Variants in PPARGC1A observed in about 807,000 individuals in gnomAD.
The protein encoded by PPARGC1A is PPARG coactivator 1 alpha.
PPARGC1A carries 25 observed loss-of-function variants against 88.7 expected under a neutral mutation model. The observed-to-expected ratio is 0.28, with a 90% CI of 0.21 to 0.39. PPARGC1A has a LOEUF of 0.39. Among genes scored for constraint, PPARGC1A ranks in the 10% least tolerant of loss-of-function variants. The probability of loss-of-function intolerance (pLI) is 1.00; values close to 1 mark genes in which losing one functional copy is unlikely to be tolerated. For synonymous variants in PPARGC1A, 363 were observed against 355.6 expected, an observed-to-expected ratio of 1.02 and a Z score of -0.24; for missense variants, 880 against 968.7, an observed-to-expected ratio of 0.91 and a Z score of 1.22.
At chr4:24,131,952 T>A in the PPARGC1A span, among the ~76,000 whole-genome samples, 2 of 152,242 alleles carry the variant, frequency 1.3e-5, no homozygotes, top group East Asian at 3.9e-4. Context: ...ACAATGCTTA[T>A]GCACACTTGA....
chr4:24,046,658 T>G, the PPARGC1A span, among the ~76,000 whole-genome samples: 2 of 152,204 alleles, frequency 1.3e-5, no homozygotes, highest in Non-Finnish European at 2.9e-5. Flanking sequence ...TCATCAAAAC[T>G]CATTTCTTCT....
At chr4:24,067,541 G>A in the PPARGC1A span, among the ~76,000 whole-genome samples, 1 of 152,144 alleles carries the variant, frequency 6.6e-6, no homozygotes, top group Admixed American at 6.5e-5. Context: ...CACAGAACAC[G>A]CAGATCTGGA....
At chr4:23,959,521 A>C in the PPARGC1A span, among the ~76,000 whole-genome samples, 4 of 152,082 alleles carry the variant, frequency 2.6e-5, no homozygotes, top group Non-Finnish European at 5.9e-5. Flanking sequence ...GAAGTAAAAA[A>C]TCCACTCTGT....
the PPARGC1A span, among the ~76,000 whole-genome samples, chr4:24,257,266 C>T: frequency 6.6e-6 from 1 of 152,054 alleles, no homozygotes; most frequent in African/African-American, 2.4e-5. Flanking sequence ...ACATATAAGA[C>T]CCTTGCAGAC....
chr4:23,848,621 G>A lies in PPARGC1A; in HGVS notation c.235-16870C>T, dbSNP rs116192411. The stretch of plus-strand genomic sequence containing the variant: ...CAAAATAATTCAGTGCCATTTCAGC[G>A]TCAATTGCTGCTCAATTTGTCCCCG... On this transcript the variant is annotated intron_variant, in intron 2 of 12. Transcript: ENST00000264867. Among the ~76,000 whole-genome samples the A allele has an allele frequency of 5.3e-3, 814 of 152,246 alleles. 4 individuals are homozygous for A. Among genetic ancestry groups the A allele is most frequent in the Middle Eastern group, 0.01 (3 of 294 alleles).
the PPARGC1A span, among the ~76,000 whole-genome samples, chr4:24,447,406 G>A: frequency 2.0e-5 from 3 of 152,246 alleles, no homozygotes; most frequent in Non-Finnish European, 1.5e-5. Flanking sequence ...CCAGGGATGC[G>A]GCACTGGAGC....
chr4:24,321,912 A>G, the PPARGC1A span, among the ~76,000 whole-genome samples: 1 of 152,214 alleles, frequency 6.6e-6, no homozygotes, highest in Non-Finnish European at 1.5e-5. Flanking sequence ...TTGTTCGTAA[A>G]AAAGAAATAA....
upstream of PPARGC1A, among the ~76,000 whole-genome samples, chr4:23,901,657 T>C (rs1033412691): frequency 4.6e-5 from 7 of 152,078 alleles, no homozygotes; most frequent in African/African-American, 1.4e-4. Flanking sequence ...AAGTATCAAA[T>C]TGTGTTTTAA....
chr4:23,819,780 C>G (rs942035230), intron 7 of PPARGC1A, among the ~76,000 whole-genome samples: 8 of 152,088 alleles, frequency 5.3e-5, no homozygotes, highest in African/African-American at 1.9e-4. Context: ...TTGGAATGGG[C>G]TGTAAAAAGA....
chr4:24,036,566 T>C, the PPARGC1A span, among the ~76,000 whole-genome samples: 3 of 151,682 alleles, frequency 2.0e-5, no homozygotes, highest in East Asian at 1.9e-4. Context: ...ATAAAAATAG[T>C]GAATCACAAA....
the PPARGC1A span, among the ~76,000 whole-genome samples, chr4:23,917,675 A>C: frequency 6.6e-6 from 1 of 152,176 alleles, no homozygotes; most frequent in East Asian, 1.9e-4. Context: ...GTAGGTACTT[A>C]ATCAATGTTG....
the PPARGC1A span, among the ~76,000 whole-genome samples, chr4:24,056,973 T>C: frequency 6.6e-6 from 1 of 152,212 alleles, no homozygotes; most frequent in African/African-American, 2.4e-5. Flanking sequence ...AGAACTGAAA[T>C]CAGGGTCTTA....
the PPARGC1A span, among the ~76,000 whole-genome samples, chr4:24,197,074 TTAGAAA>T: frequency 1.3e-5 from 2 of 152,190 alleles, no homozygotes; most frequent in South Asian, 4.1e-4. Context: ...AAATTGCCAG[TTAGAAA>T]TAGATTGTTC....
the PPARGC1A span, among the ~76,000 whole-genome samples, chr4:24,354,897 C>G: frequency 6.6e-6 from 1 of 151,562 alleles, no homozygotes; most frequent in Admixed American, 6.6e-5. Flanking sequence ...AAAACAAAAA[C>G]AAACAAACAA....
chr4:24,444,964 G>A, the PPARGC1A span, among the ~76,000 whole-genome samples: 1 of 152,076 alleles, frequency 6.6e-6, no homozygotes, highest in Admixed American at 6.5e-5. Flanking sequence ...GAAGTGGGAG[G>A]ATTGCTAAGC....
the PPARGC1A span, among the ~76,000 whole-genome samples, chr4:24,344,986 C>T: frequency 2.4e-4 from 36 of 152,210 alleles, no homozygotes; most frequent in African/African-American, 8.2e-4. Context: ...AGCCAATTAT[C>T]CCAGCACCAT....
the PPARGC1A span, among the ~76,000 whole-genome samples, chr4:24,238,745 A>ATGTGTGTGTGTGTGTGTGTGTGTGTG: frequency 8.2e-6 from 1 of 121,808 alleles, no homozygotes; most frequent in African/African-American, 3.0e-5. Context: ...AAGGTTGTAT[A>ATGTGTGTGTGTGTGTGTGTGTGTGTG]TGTGTGTGTG....
At chr4:24,144,326 A>T in the PPARGC1A span, among the ~76,000 whole-genome samples, 1 of 152,162 alleles carries the variant, frequency 6.6e-6, no homozygotes, top group Non-Finnish European at 1.5e-5. Context: ...AAAGGTATAT[A>T]TTCTTATTAG....
At chr4:24,452,258 C>A in the PPARGC1A span, among the ~76,000 whole-genome samples, 1 of 142,654 alleles carries the variant, frequency 7.0e-6, no homozygotes, top group Admixed American at 6.8e-5. Context: ...CACCCCCCCA[C>A]ACACAAACAC....
Sources: allele counts gnomAD v4.1 joint callset (sites outside exome capture counted in the v4.1 genomes callset), GRCh38; gene constraint gnomAD v4.1.1; transcripts MANE v1.5; gene names NCBI Gene and HGNC (gene_info 2026-07-23, HGNC 2026-07-21).